The following SLC2A3 variants were observed in gnomAD, a reference collection of about 807,000 sequenced individuals.
The protein encoded by SLC2A3 is solute carrier family 2, facilitated glucose transporter member 3.
Under a neutral mutation model 46.4 loss-of-function variants are expected in SLC2A3, and 21 were observed. That is an observed-to-expected ratio of 0.45 (90% CI 0.32 to 0.65). The LOEUF (loss-of-function observed/expected upper bound fraction) is 0.65, where lower values mean the gene tolerates loss of function less well. Ranked by LOEUF, SLC2A3 falls within the 30% of genes least tolerant of loss-of-function variation. SLC2A3 has a pLI of 0.04. For synonymous variants in SLC2A3, 213 were observed against 239.4 expected, an observed-to-expected ratio of 0.89 and a Z score of 1.02; for missense variants, 499 against 623.3, an observed-to-expected ratio of 0.80 and a Z score of 2.12.
chr12:7,923,118 C>T, intron 8 of SLC2A3, 94 bp from the exon 9 acceptor site: 2 of 1,162,470 alleles, frequency 1.7e-6, no homozygotes, highest in South Asian at 1.6e-5. Flanking sequence ...CTCCTCCTGT[C>T]CCTGACGTAC....
chr12:7,925,812 T>C (rs1305621805), intron 7 of SLC2A3, 32 bp downstream of exon 7: 2 of 1,510,414 alleles, frequency 1.3e-6, no homozygotes, highest in Non-Finnish European at 1.8e-6. Flanking sequence ...GATTCTTTTC[T>C]CCCCTCAAAA....
Position 7,931,383 on chromosome 12 carries a change from G to A in SLC2A3, c.372C>T (p.Arg124=). 1 of 1,614,118 alleles carries A rather than the reference G, an allele frequency of 6.2e-7. No individual in the cohort carries two copies. The highest frequency in any genetic ancestry group is 8.5e-7 in the Non-Finnish European group (1 of 1,180,014). The change falls in exon 4 of 10, where the codon CGC becomes CGT. Residue 124 remains arginine (R), a synonymous_variant. Transcript: ENST00000075120. ...GTCCGCAGAAGAGGCCAATAACCAAGCGACCCAGGATCAGCATTTCAACCG... is the reference window on the plus strand; with the variant it reads ...GTCCGCAGAAGAGGCCAATAACCAAACGACCCAGGATCAGCATTTCAACCG... ...AKSVEMLILG[R]LVIGLFCGLC...
chr12:7,931,587 C>CT (rs904659520), intron 3 of SLC2A3, 102 bp from the exon 4 acceptor site: 3,698 of 1,238,212 alleles, frequency 3.0e-3, no homozygotes, highest in Non-Finnish European at 3.4e-3. Context: ...CATATCATCC[C>CT]TTTTTTTTTT....
chr12:7,935,113 C>T (rs191207827), intron 1 of SLC2A3, among the ~76,000 whole-genome samples: 3,268 of 140,688 alleles, frequency 0.023, 66 homozygotes, highest in Middle Eastern at 0.059. Flanking sequence ...ATAGGTGTGA[C>T]CCACCACACC....
chr12:7,921,921 G>A (rs749008390), intron 9 of SLC2A3, among the ~76,000 whole-genome samples: 4 of 152,122 alleles, frequency 2.6e-5, no homozygotes, highest in Admixed American at 6.6e-5. Flanking sequence ...GGCCGAGTGC[G>A]GTGGCTCACG....
In SLC2A3 at chr12:7,936,051, A is replaced by T. The variant is rs2121205942; in HGVS notation, c.-17T>A. On this transcript the variant is annotated 5_prime_UTR_variant, in exon 1 of 10. Coordinates refer to ENST00000075120, the MANE Select transcript of SLC2A3 (RefSeq NM_006931.3). ...TGTCCCCATCGCTGTAATCTAATTC[A>T]AGTCTTCAAGAAAGATCTAGGGGTG... is the stretch of plus-strand genomic sequence containing the variant. 6.2e-7 allele frequency: 1 copy of T among 1,602,726 alleles called. No individual in the cohort carries two copies. The highest frequency in any genetic ancestry group is 2.2e-5 in the East Asian group (1 of 44,828).
intron 3 of SLC2A3, among the ~76,000 whole-genome samples, chr12:7,932,418 T>C (rs1040262723): frequency 2.6e-5 from 4 of 152,092 alleles, no homozygotes; most frequent in Non-Finnish European, 2.9e-5. Context: ...CCTCAGCTGA[T>C]CCACTTGCCT....
chr12:7,932,833 A>AG, intron 3 of SLC2A3, 154 bp downstream of exon 3: 1 of 1,072,654 alleles, frequency 9.3e-7, no homozygotes, highest in South Asian at 1.6e-5. Flanking sequence ...AAGCAAGGGC[A>AG]GTCATATTCG....
chr12:7,935,921 G>T, intron 1 of SLC2A3, 99 bp downstream of exon 1: 2 of 1,018,992 alleles, frequency 2.0e-6, no homozygotes, highest in South Asian at 1.3e-5. Context: ...ATAGCTTGGT[G>T]ACTTAGGAGA....
chr12:7,932,460 G>A (rs1426791905), intron 3 of SLC2A3, among the ~76,000 whole-genome samples: 1 of 152,118 alleles, frequency 6.6e-6, no homozygotes, highest in Non-Finnish European at 1.5e-5. Flanking sequence ...TTACAGGGGT[G>A]AGCCACCACA....
At position 7,921,578 on chromosome 12, in the gene SLC2A3, G is replaced by C; in HGVS notation, c.1326C>G (p.Phe442Leu). ...GGACTTTGAAGAAGGTAAAAGCCAA[G>C]AAGGTAATGAGGAAGCCGGTGAAGA... ...FIIFTGFLIT[F>L]LAFTFFKVPE... The change falls in exon 10 of 10, where the codon TTC becomes TTG. Residue 442 changes from phenylalanine to leucine, a missense_variant. Physicochemically the swap from Phe to Leu is conservative, Grantham distance 22. Transcript: ENST00000075120. 1 of 1,613,930 alleles carries C rather than the reference G, an allele frequency of 6.2e-7. No homozygotes were observed. Among genetic ancestry groups the C allele is most frequent in the Non-Finnish European group, 8.5e-7 (1 of 1,179,852 alleles).
chr12:7,930,957 C>T (rs964281568), intron 4 of SLC2A3, among the ~76,000 whole-genome samples: 16 of 151,812 alleles, frequency 1.1e-4, no homozygotes, highest in African/African-American at 3.9e-4. Context: ...CTACCACGCC[C>T]GACCAATTTT....
chr12:7,922,250 A>C (rs1946044536), intron 9 of SLC2A3, among the ~76,000 whole-genome samples: 1 of 152,048 alleles, frequency 6.6e-6, no homozygotes, highest in African/African-American at 2.4e-5. Context: ...TTTATTGTAG[A>C]AACAGGGTTT....
intron 7 of SLC2A3, 199 bp downstream of exon 7, chr12:7,925,645 T>C (rs2121186035): frequency 1.8e-6 from 1 of 552,612 alleles, no homozygotes; most frequent in Non-Finnish European, 3.2e-6. Context: ...GTCCCTTCTA[T>C]ACTCCCTCCT....
rs1197628289 is a variant in SLC2A3, at chr12:7,932,999, T to C, written c.257A>G (p.Asn86Ser). Residue 86 changes from asparagine to serine, a missense_variant, in exon 3 of 10, where the codon AAC (asparagine) becomes AGC (serine). Transcript: ENST00000075120. ...IGSFSVGLFV[N>S]RFGRRNSMLI... ...TTCTAGTCAATACCTGCCAAAGCGG[T>C]TGACGAAGAGTCCGACGGAAAAGGA... 5.0e-6 allele frequency: 8 copies of C among 1,613,954 alleles called. No individual in the cohort carries two copies. Among genetic ancestry groups the C allele is most frequent in the Non-Finnish European group, 6.8e-6 (8 of 1,180,012 alleles).
At chr12:7,935,247 A>G (rs1946200507) in intron 1 of SLC2A3, among the ~76,000 whole-genome samples, 2 of 152,216 alleles carry the variant, frequency 1.3e-5, no homozygotes, top group African/African-American at 4.8e-5. Flanking sequence ...TGAGGTCGGG[A>G]GTCGAGACCA....
At position 7,921,405 on chromosome 12, in the gene SLC2A3, G is replaced by A. The variant is rs768246503; in HGVS notation, c.*8C>T. On this transcript the variant is annotated 3_prime_UTR_variant, in exon 10 of 10. Coordinates refer to ENST00000075120, the MANE Select transcript of SLC2A3 (RefSeq NM_006931.3). ...CCATGCCGGGAGGGAGGTGGAAGGA[G>A]GCACGACTTAGACATTGGTGGTGGT... 20 of 1,613,954 alleles carry A rather than the reference G, an allele frequency of 1.2e-5. No homozygotes were observed. The highest frequency in any genetic ancestry group is 1.6e-5 in the Non-Finnish European group (19 of 1,179,954).
In SLC2A3 at chr12:7,920,567, T is replaced by C. The variant is rs1170135017; in HGVS notation, c.*846A>G. On this transcript the variant is annotated 3_prime_UTR_variant, in exon 10 of 10. Transcript: ENST00000075120. ...CTCCAAAGGAAATCAGTAGCTTTATTATATAGGTATATGACTTTTACGAGA... is the reference window on the plus strand; with the variant it reads ...CTCCAAAGGAAATCAGTAGCTTTATCATATAGGTATATGACTTTTACGAGA... 6.6e-6 allele frequency: 1 copy of C among 152,160 alleles called. No homozygotes were observed. Among genetic ancestry groups the C allele is most frequent in the Non-Finnish European group, 1.5e-5 (1 of 68,022 alleles). The allele number at this position is 152,160 out of a possible 1,614,324, so 9.4% of individuals were successfully genotyped here. A position where few individuals can be genotyped will look rare whatever the true frequency, so the allele number is the denominator to read the frequency against.
At chr12:7,929,208 T>C (rs1053776786) in intron 6 of SLC2A3, among the ~76,000 whole-genome samples, 1 of 152,116 alleles carries the variant, frequency 6.6e-6, no homozygotes, top group African/African-American at 2.4e-5. Flanking sequence ...ACAAGGGTGC[T>C]CTTAATATCC....
Sources: allele counts gnomAD v4.1 joint callset (sites outside exome capture counted in the v4.1 genomes callset), GRCh38; gene constraint gnomAD v4.1.1; transcripts MANE v1.5; gene names NCBI Gene and HGNC (gene_info 2026-07-23, HGNC 2026-07-21).